The following NELL2 variants were observed in gnomAD, a reference collection of about 807,000 sequenced individuals.
The protein encoded by NELL2 is protein kinase C-binding protein NELL2.
In NELL2, 41 loss-of-function variants were observed where a neutral mutation model predicts 109.6. That is an observed-to-expected ratio of 0.37 (90% CI 0.29 to 0.49). The LOEUF is 0.49. Among genes scored for constraint, NELL2 ranks in the 20% least tolerant of loss-of-function variants. The pLI is 0.98. For missense variants in NELL2, 900 were observed against 1,008.3 expected, an observed-to-expected ratio of 0.89 and a Z score of 1.45; for synonymous variants, 355 against 344.7, an observed-to-expected ratio of 1.03 and a Z score of -0.33.
chr12:44,681,430 A>G (rs1019047851), intron 12 of NELL2, among the ~76,000 whole-genome samples: 5 of 150,202 alleles, frequency 3.3e-5, no homozygotes, highest in African/African-American at 1.2e-4. Context: ...TATTATTATT[A>G]TTATACTTTA....
intron 9 of NELL2, among the ~76,000 whole-genome samples, chr12:44,727,007 T>C (rs1398512406): frequency 2.0e-5 from 3 of 152,132 alleles, no homozygotes; most frequent in African/African-American, 7.2e-5. Context: ...TCAAATCACC[T>C]GGAGATCTTA....
At chr12:44,710,978 TGTTG>T (rs1566213304) in intron 11 of NELL2, among the ~76,000 whole-genome samples, 1 of 152,122 alleles carries the variant, frequency 6.6e-6, no homozygotes, top group African/African-American at 2.4e-5. Context: ...AACTCAATAT[TGTTG>T]TGTAACTTTC....
intron 9 of NELL2, among the ~76,000 whole-genome samples, chr12:44,768,206 T>C (rs1941409840): frequency 6.6e-6 from 1 of 152,214 alleles, no homozygotes; most frequent in African/African-American, 2.4e-5. Context: ...GCATTGTTAA[T>C]TATTCTAGTT....
chr12:44,834,894 GC>G (rs1944004942), intron 2 of NELL2, among the ~76,000 whole-genome samples: 1 of 151,968 alleles, frequency 6.6e-6, no homozygotes, highest in Non-Finnish European at 1.5e-5. Context: ...TTGTCGTGTT[GC>G]CAGGAGAAGG....
intron 2 of NELL2, among the ~76,000 whole-genome samples, chr12:44,867,190 C>T (rs1945025577): frequency 1.3e-5 from 2 of 152,110 alleles, no homozygotes; most frequent in African/African-American, 4.8e-5. Flanking sequence ...AAGAAAATTA[C>T]AGGCCAATAT....
At chr12:44,766,699 A>C (rs1251179213) in intron 9 of NELL2, among the ~76,000 whole-genome samples, 3 of 152,146 alleles carry the variant, frequency 2.0e-5, no homozygotes, top group African/African-American at 4.8e-5. Context: ...CCTCTTACTT[A>C]TTTCAAAGCC....
At chr12:44,736,605 G>GA (rs1319744303) in intron 9 of NELL2, among the ~76,000 whole-genome samples, 1 of 151,788 alleles carries the variant, frequency 6.6e-6, no homozygotes, top group African/African-American at 2.4e-5. Flanking sequence ...ATGTGGCTCT[G>GA]AAAAATTCAA....
At chr12:44,599,960 GTT>G (rs35401385) in intron 15 of NELL2, among the ~76,000 whole-genome samples, 8 of 111,264 alleles carry the variant, frequency 7.2e-5, no homozygotes, top group East Asian at 2.8e-4. Context: ...CTAGAATTCC[GTT>G]TTTTTTTTTT....
chr12:44,588,407 CCT>C (rs1376230148), intron 15 of NELL2, among the ~76,000 whole-genome samples: 3 of 152,026 alleles, frequency 2.0e-5, no homozygotes, highest in Non-Finnish European at 4.4e-5. Context: ...TTGAAGGAAA[CCT>C]CTCTCTCATG....
chr12:44,588,327 T>C (rs1426132115), intron 15 of NELL2, among the ~76,000 whole-genome samples: 1 of 152,116 alleles, frequency 6.6e-6, no homozygotes, highest in Non-Finnish European at 1.5e-5. Flanking sequence ...GTGCCTCCTC[T>C]CTGAGGCAGC....
chr12:44,823,711 T>C (rs1441855332), intron 2 of NELL2, among the ~76,000 whole-genome samples: 3 of 152,228 alleles, frequency 2.0e-5, no homozygotes, highest in Middle Eastern at 3.2e-3. Context: ...GGAGTACAAA[T>C]ATTCTTCAAG....
chr12:44,724,599 T>C (rs1280484663), intron 9 of NELL2, among the ~76,000 whole-genome samples: 1 of 151,360 alleles, frequency 6.6e-6, no homozygotes, highest in Non-Finnish European at 1.5e-5. Flanking sequence ...CTCAAATAAA[T>C]CAGAGAAGAC....
chr12:44,516,149 T>C (rs1162214811), intron 19 of NELL2, among the ~76,000 whole-genome samples: 2 of 152,102 alleles, frequency 1.3e-5, no homozygotes, highest in Admixed American at 6.5e-5. Context: ...GATCTTCTAA[T>C]ATGTAATTAG....
chr12:44,799,740 T>C (rs1241515323), intron 3 of NELL2, among the ~76,000 whole-genome samples: 1 of 152,148 alleles, frequency 6.6e-6, no homozygotes, highest in Non-Finnish European at 1.5e-5. Flanking sequence ...TTAATATAGC[T>C]AAGTTATGAA....
intron 16 of NELL2, among the ~76,000 whole-genome samples, chr12:44,527,131 A>G (rs1941820438): frequency 6.6e-6 from 1 of 152,192 alleles, no homozygotes; most frequent in South Asian, 2.1e-4. Context: ...CATGACATTT[A>G]TATTTTTTCT....
chr12:44,921,341 G>A (rs1945866670), intron 1 of NELL2, among the ~76,000 whole-genome samples: 1 of 152,110 alleles, frequency 6.6e-6, no homozygotes, highest in Admixed American at 6.6e-5. Flanking sequence ...AAATACAAAT[G>A]TAAGAAAGAC....
chr12:44,864,558 T>C (rs1359580760), intron 2 of NELL2, among the ~76,000 whole-genome samples: 1 of 152,132 alleles, frequency 6.6e-6, no homozygotes, highest in Non-Finnish European at 1.5e-5. Context: ...CACCTAAATA[T>C]ATAAAGCAAA....
intron 2 of NELL2, among the ~76,000 whole-genome samples, chr12:44,874,728 A>G (rs145802406): frequency 3.3e-5 from 5 of 152,296 alleles, no homozygotes; most frequent in African/African-American, 1.2e-4. Flanking sequence ...TTTTGCCTCA[A>G]ATATACTGCG....
intron 2 of NELL2, among the ~76,000 whole-genome samples, chr12:44,822,351 T>G (rs938391852): frequency 4.6e-5 from 7 of 152,242 alleles, no homozygotes. Context: ...TTTCTGAGCT[T>G]ACTTTCATTC....
Sources: allele counts gnomAD v4.1 joint callset (sites outside exome capture counted in the v4.1 genomes callset), GRCh38; gene constraint gnomAD v4.1.1; transcripts MANE v1.5; gene names NCBI Gene and HGNC (gene_info 2026-07-23, HGNC 2026-07-21).